The following UGGT1 variants were observed in gnomAD, a reference collection of about 807,000 sequenced individuals.
The protein encoded by UGGT1 is UDP-glucose:glycoprotein glucosyltransferase 1.
UGGT1 carries 107 observed loss-of-function variants against 203.9 expected under a neutral mutation model. That is an observed-to-expected ratio of 0.52 (90% CI 0.45 to 0.62). The LOEUF is 0.62. Among genes scored for constraint, UGGT1 ranks in the 20% least tolerant of loss-of-function variants. The probability of loss-of-function intolerance (pLI) is 0.00; values close to 1 mark genes in which losing one functional copy is unlikely to be tolerated. For synonymous variants in UGGT1, 628 were observed against 653.5 expected, an observed-to-expected ratio of 0.96 and a Z score of 0.59; for missense variants, 1,673 against 1,867.2, an observed-to-expected ratio of 0.90 and a Z score of 1.92.
In UGGT1 at chr2:128,156,404, A is replaced by G. The variant is rs1255351741; in HGVS notation, c.2249A>G (p.Lys750Arg). 1.3e-6 allele frequency: 2 copies of G among 1,596,094 alleles called. No homozygotes were observed. Among genetic ancestry groups the G allele is most frequent in the Admixed American group, 1.7e-5 (1 of 59,616 alleles). ...NYLTKKGMSS[K>R]EIYDDSFIRP... is the part of the protein sequence containing the mutation. ...TACCTTTGTTCAGGAATGTCCTCCAAGGAAATCTATGGTAACTTAAAACTT... is the reference window on the plus strand; with the variant it reads ...TACCTTTGTTCAGGAATGTCCTCCAGGGAAATCTATGGTAACTTAAAACTT... Residue 750 changes from lysine (K) to arginine (R), a missense_variant, in exon 21 of 41, where the codon AAG becomes AGG. Physicochemically the swap from Lys to Arg is conservative, Grantham distance 26. Coordinates refer to ENST00000259253, the MANE Select transcript of UGGT1 (RefSeq NM_020120.4).
chr2:128,143,218 A>T lies in UGGT1; in HGVS notation c.1844A>T (p.Asn615Ile). The T allele has an allele frequency of 6.2e-7, 1 of 1,613,280 alleles. No homozygotes were observed. The highest frequency in any genetic ancestry group is 8.5e-7 in the Non-Finnish European group (1 of 1,179,700). ...ILGIDSAYDR[N>I]RKEARGYYEQ... Reference sequence around the variant, plus strand: ...GGGATTGATTCTGCTTATGATCGGAATCGGAAGGTAAAAAATTTCTTTGTG... The same window carrying T: ...GGGATTGATTCTGCTTATGATCGGATTCGGAAGGTAAAAAATTTCTTTGTG... The change falls in exon 17 of 41, where the codon AAT becomes ATT. Residue 615 changes from asparagine (N) to isoleucine (I), a missense_variant. Around this residue, in one of 4 missense-constraint regions of UGGT1, gnomAD observed 1,073 missense variants for 1,078.7 expected, o/e 0.99. Coordinates refer to ENST00000259253, the MANE Select transcript of UGGT1 (RefSeq NM_020120.4).
intron 25 of UGGT1, among the ~76,000 whole-genome samples, chr2:128,163,465 C>G (rs1690629914): frequency 6.6e-6 from 1 of 150,900 alleles, no homozygotes; most frequent in Non-Finnish European, 1.5e-5. Flanking sequence ...CCTGTAATCC[C>G]AGCACTTGGG....
At chr2:128,138,880 A>G in intron 16 of UGGT1, 28 bp downstream of exon 16, 2 of 1,612,290 alleles carry the variant, frequency 1.2e-6, no homozygotes, top group Non-Finnish European at 8.5e-7. Context: ...ATGGCAAATA[A>G]TTTTTTCAGA....
intron 20 of UGGT1, 140 bp from the exon 21 acceptor site, chr2:128,156,252 C>A: frequency 1.5e-6 from 1 of 667,266 alleles, no homozygotes. Context: ...ACTGGGACAG[C>A]GCCATGACAC....
At chr2:128,173,014 T>C (rs2104788449) in intron 29 of UGGT1, among the ~76,000 whole-genome samples, 1 of 152,306 alleles carries the variant, frequency 6.6e-6, no homozygotes, top group East Asian at 1.9e-4. Context: ...GCATCCCCAG[T>C]GAAAGCCCCA....
intron 11 of UGGT1, among the ~76,000 whole-genome samples, chr2:128,125,610 T>C (rs1287446307): frequency 6.6e-6 from 1 of 152,180 alleles, no homozygotes; most frequent in African/African-American, 2.4e-5. Context: ...AAAAAGTAGC[T>C]CTAGTGACAT....
intron 31 of UGGT1, among the ~76,000 whole-genome samples, chr2:128,175,789 T>C (rs1297280892): frequency 6.6e-6 from 1 of 152,014 alleles, no homozygotes; most frequent in Non-Finnish European, 1.5e-5. Context: ...TTCCTAGCTG[T>C]TCAGGGCCCC....
chr2:128,095,073 T>G (rs1687049593), intron 1 of UGGT1, among the ~76,000 whole-genome samples: 1 of 152,250 alleles, frequency 6.6e-6, no homozygotes, highest in East Asian at 1.9e-4. Context: ...TCTTAAGTTG[T>G]ACATAAAATT....
intron 34 of UGGT1, among the ~76,000 whole-genome samples, chr2:128,179,162 A>G (rs1691558659): frequency 6.6e-6 from 1 of 151,552 alleles, no homozygotes. Context: ...TTAATTTTTC[A>G]CTACAGATCT....
chr2:128,099,471 C>T (rs1317596282), intron 2 of UGGT1, among the ~76,000 whole-genome samples: 2 of 152,128 alleles, frequency 1.3e-5, no homozygotes, highest in African/African-American at 4.8e-5. Context: ...TAACATTTTC[C>T]CCTTAATTCC....
intron 15 of UGGT1, among the ~76,000 whole-genome samples, chr2:128,138,366 A>G (rs1689242253): frequency 6.6e-6 from 1 of 152,180 alleles, no homozygotes; most frequent in Non-Finnish European, 1.5e-5. Context: ...CTAAAAATAC[A>G]AAAAATTAGC....
intron 9 of UGGT1, 41 bp downstream of exon 9, chr2:128,120,497 TAA>T (rs781085887): frequency 3.8e-5 from 59 of 1,549,262 alleles, no homozygotes; most frequent in Non-Finnish European, 4.8e-5. Context: ...ACTTTTTGGC[TAA>T]GTTTTATGGC....
At chr2:128,093,602 G>A (rs995077283) in intron 1 of UGGT1, among the ~76,000 whole-genome samples, 1 of 152,178 alleles carries the variant, frequency 6.6e-6, no homozygotes, top group African/African-American at 2.4e-5. Context: ...TGTGGCCACT[G>A]AAAATCCTTG....
chr2:128,104,509 T>C (rs770571784), intron 3 of UGGT1, among the ~76,000 whole-genome samples: 19 of 152,262 alleles, frequency 1.2e-4, no homozygotes, highest in Non-Finnish European at 2.4e-4. Flanking sequence ...TTGCAGTTTT[T>C]ATGATGTGCT....
chr2:128,101,751 C>T (rs1687384073), intron 2 of UGGT1, among the ~76,000 whole-genome samples: 1 of 152,094 alleles, frequency 6.6e-6, no homozygotes, highest in African/African-American at 2.4e-5. Flanking sequence ...AGTAAATATG[C>T]CAAGCTTAGT....
chr2:128,143,010 C>A, intron 16 of UGGT1, 84 bp from the exon 17 acceptor site: 1 of 1,362,030 alleles, frequency 7.3e-7, no homozygotes, highest in Non-Finnish European at 9.8e-7. Context: ...GTATATTTTC[C>A]TCTAAATTCA....
intron 22 of UGGT1, among the ~76,000 whole-genome samples, 183 bp downstream of exon 22, chr2:128,157,529 G>A (rs1240300781): frequency 3.3e-5 from 5 of 152,206 alleles, no homozygotes; most frequent in African/African-American, 9.7e-5. Flanking sequence ...TAAGACTACA[G>A]TATCCAGGCT....
intron 38 of UGGT1, among the ~76,000 whole-genome samples, chr2:128,184,594 T>A (rs931887944): frequency 2.6e-5 from 4 of 152,244 alleles, no homozygotes; most frequent in African/African-American, 9.6e-5. Flanking sequence ...ATTTACTGTT[T>A]AAGCATGTAT....
chr2:128,128,402 C>T (rs1319212766), intron 12 of UGGT1, among the ~76,000 whole-genome samples: 1 of 151,388 alleles, frequency 6.6e-6, no homozygotes, highest in Admixed American at 6.6e-5. Flanking sequence ...ACCTCTGCCT[C>T]CCGGGTTCAA....
Sources: gnomAD v4.1 joint callset for allele counts (sites outside exome capture counted in the v4.1 genomes callset) on GRCh38, gnomAD v4.1.1 for gene constraint, gnomAD v4.1.1 regional missense constraint, MANE v1.5 for transcripts, NCBI Gene and HGNC (gene_info 2026-07-23, HGNC 2026-07-21) for gene names.